The following CTNNA2 variants were observed in gnomAD, a reference collection of about 807,000 sequenced individuals.
The protein encoded by CTNNA2 is catenin alpha 2, also known as catenin alpha-2.
CTNNA2 carries 42 observed loss-of-function variants against 101.0 expected under a neutral mutation model. That is an observed-to-expected ratio of 0.42 (90% CI 0.32 to 0.54). The LOEUF (loss-of-function observed/expected upper bound fraction) is 0.54, where lower values mean the gene tolerates loss of function less well. CTNNA2 is among the 20% of genes least tolerant of loss of function. The probability of loss-of-function intolerance (pLI) is 0.14; values close to 1 mark genes in which losing one functional copy is unlikely to be tolerated. For synonymous variants in CTNNA2, 450 were observed against 456.4 expected, an observed-to-expected ratio of 0.99 and a Z score of 0.18; for missense variants, 871 against 1,223.1, an observed-to-expected ratio of 0.71 and a Z score of 4.29.
At chr2:80,314,292 A>T (rs1004494625) in intron 7 of CTNNA2, among the ~76,000 whole-genome samples, 5 of 152,218 alleles carry the variant, frequency 3.3e-5, no homozygotes, top group African/African-American at 1.2e-4. Flanking sequence ...AAGCATTCAA[A>T]TTCTAATTTA....
At chr2:80,059,330 C>A (rs1697424760) in intron 7 of CTNNA2, among the ~76,000 whole-genome samples, 1 of 152,184 alleles carries the variant, frequency 6.6e-6, no homozygotes, top group African/African-American at 2.4e-5. Context: ...GCTTACAACA[C>A]CCTGGGCCTA....
chr2:79,379,836 T>G (rs1276269825), intron 4 of CTNNA2, among the ~76,000 whole-genome samples: 2 of 152,134 alleles, frequency 1.3e-5, no homozygotes, highest in African/African-American at 4.8e-5. Flanking sequence ...CTAGTTAACT[T>G]TCTGGAAATG....
At chr2:80,050,857 A>G (rs1236887396) in intron 7 of CTNNA2, among the ~76,000 whole-genome samples, 1 of 152,086 alleles carries the variant, frequency 6.6e-6, no homozygotes, top group Non-Finnish European at 1.5e-5. Flanking sequence ...CTGGGATTAC[A>G]GGCATGTACC....
intron 7 of CTNNA2, among the ~76,000 whole-genome samples, chr2:80,336,682 T>C (rs1242255274): frequency 1.3e-5 from 2 of 152,228 alleles, no homozygotes; most frequent in Admixed American, 1.3e-4. Flanking sequence ...ACTTAAACAA[T>C]CATCTTAAAA....
At chr2:80,281,477 A>G (rs551754465) in intron 7 of CTNNA2, among the ~76,000 whole-genome samples, 1 of 152,296 alleles carries the variant, frequency 6.6e-6, no homozygotes, top group East Asian at 1.9e-4. Flanking sequence ...AGCGTACATT[A>G]GTGTCTGTGG....
At chr2:79,340,410 C>T (rs1452959295) in intron 3 of CTNNA2, among the ~76,000 whole-genome samples, 1 of 152,102 alleles carries the variant, frequency 6.6e-6, no homozygotes, top group African/African-American at 2.4e-5. Flanking sequence ...AGGCAGTTGG[C>T]AGGTGCAGTA....
At chr2:80,151,245 A>G (rs1372423427) in intron 7 of CTNNA2, among the ~76,000 whole-genome samples, 1 of 152,080 alleles carries the variant, frequency 6.6e-6, no homozygotes, top group Non-Finnish European at 1.5e-5. Flanking sequence ...TGTGACAGTG[A>G]TATTCAGATT....
At chr2:79,994,861 T>G (rs954010458) in intron 7 of CTNNA2, among the ~76,000 whole-genome samples, 2 of 152,148 alleles carry the variant, frequency 1.3e-5, no homozygotes, top group Non-Finnish European at 2.9e-5. Context: ...CGCCCTGATG[T>G]TCCTACCCCC....
intron 4 of CTNNA2, among the ~76,000 whole-genome samples, chr2:79,427,787 A>G (rs990821415): frequency 6.6e-6 from 1 of 151,756 alleles, no homozygotes; most frequent in Non-Finnish European, 1.5e-5. Flanking sequence ...ATTTTCTGTC[A>G]TCTTTTTACC....
At chr2:79,735,733 A>G (rs1236087355) in intron 2 of CTNNA2, among the ~76,000 whole-genome samples, 1 of 152,204 alleles carries the variant, frequency 6.6e-6, no homozygotes, top group Non-Finnish European at 1.5e-5. Flanking sequence ...CCTATCTTAG[A>G]TAATTAAATC....
upstream of CTNNA2, among the ~76,000 whole-genome samples, chr2:79,509,268 T>A (rs2103818956): frequency 6.6e-6 from 1 of 151,930 alleles, no homozygotes; most frequent in African/African-American, 2.4e-5. Flanking sequence ...ACATAATAAA[T>A]ATAGTGACAG....
intron 3 of CTNNA2, among the ~76,000 whole-genome samples, chr2:79,808,053 G>A (rs149458439): frequency 0.015 from 2,350 of 152,146 alleles, 58 homozygotes; most frequent in African/African-American, 0.053. Context: ...TACTTTTTAC[G>A]TGACATTTAA....
At chr2:79,579,154 CT>C (rs1170021803) in intron 1 of CTNNA2, among the ~76,000 whole-genome samples, 1 of 143,972 alleles carries the variant, frequency 6.9e-6, no homozygotes, top group Non-Finnish European at 1.5e-5. Context: ...CTTTCCTTCT[CT>C]TTTTTCTTTT....
intron 7 of CTNNA2, among the ~76,000 whole-genome samples, chr2:80,117,339 G>A (rs1014164228): frequency 8.6e-5 from 13 of 151,988 alleles, no homozygotes; most frequent in South Asian, 4.1e-4. Flanking sequence ...CATAAATTCC[G>A]TATGTATGTG....
intron 3 of CTNNA2, among the ~76,000 whole-genome samples, chr2:79,814,482 A>G (rs1487191046): frequency 6.6e-6 from 1 of 152,012 alleles, no homozygotes; most frequent in Non-Finnish European, 1.5e-5. Flanking sequence ...AACATACAAT[A>G]TTTGGTTTTC....
At position 79,593,715 on chromosome 2, in the gene CTNNA2, T is replaced by C. The variant is rs146113134; in HGVS notation, c.-5-57837T>C. On this transcript the variant is annotated intron_variant, in intron 1 of 18. Coordinates refer to ENST00000402739, the MANE Select transcript of CTNNA2 (RefSeq NM_001282597.3). ...CACTCCCCTGCTTCTGTGCCTCACC[T>C]TTACAGCAAAATTCCGATACTTGTT... is the stretch of plus-strand genomic sequence containing the variant. 1.2e-3 allele frequency among the ~76,000 whole-genome samples: 186 copies of C among 152,202 alleles called. 2 individuals carry two copies. The highest frequency in any genetic ancestry group is 4.1e-3 in the African/African-American group (170 of 41,538).
At chr2:80,192,673 T>C (rs1263874248) in intron 7 of CTNNA2, among the ~76,000 whole-genome samples, 4 of 152,082 alleles carry the variant, frequency 2.6e-5, no homozygotes, top group East Asian at 1.9e-4. Flanking sequence ...GTTACGGCAC[T>C]AGCCACATTT....
intron 1 of CTNNA2, among the ~76,000 whole-genome samples, chr2:79,189,314 T>C (rs1381495596): frequency 6.6e-6 from 1 of 152,222 alleles, no homozygotes; most frequent in African/African-American, 2.4e-5. Flanking sequence ...TGTGTACCTA[T>C]TTTACAGATT....
intron 7 of CTNNA2, among the ~76,000 whole-genome samples, chr2:79,957,695 G>T (rs1223542398): frequency 6.6e-6 from 1 of 152,136 alleles, no homozygotes; most frequent in Non-Finnish European, 1.5e-5. Flanking sequence ...ACCTGCACTG[G>T]ATTCTCATTC....
Sources: gnomAD v4.1 joint callset for allele counts (sites outside exome capture counted in the v4.1 genomes callset) on GRCh38, gnomAD v4.1.1 for gene constraint, MANE v1.5 for transcripts, NCBI Gene and HGNC (gene_info 2026-07-23, HGNC 2026-07-21) for gene names.